MKX: variants seen among roughly 807,000 people sequenced by gnomAD.
MKX encodes mohawk homeobox, also known as homeobox protein Mohawk.
In MKX, 13 loss-of-function variants were observed where a neutral mutation model predicts 36.0. That is an observed-to-expected ratio of 0.36 (90% CI 0.24 to 0.57). The LOEUF is 0.57. MKX is among the 20% of genes least tolerant of loss of function. The pLI is 0.79. For synonymous variants in MKX, 176 were observed against 178.3 expected, an observed-to-expected ratio of 0.99 and a Z score of 0.10; for missense variants, 458 against 456.4, an observed-to-expected ratio of 1.00 and a Z score of -0.03.
At position 27,687,295 on chromosome 10, in the gene MKX, C is replaced by A. The variant is rs1280966695; in HGVS notation, c.839-11741G>T. Among the ~76,000 whole-genome samples, 5 of 152,320 alleles carry A rather than the reference C, an allele frequency of 3.3e-5. No homozygotes were observed. The East Asian group carries it at 7.7e-4, about 24-fold the overall frequency. ...CTGGGATTACAGGCGTGAGCCATTG[C>A]GCCCAGCCCACACTTCTCTATTTTG... On this transcript the variant is annotated intron_variant, in intron 5 of 6. Coordinates refer to ENST00000419761, the MANE Select transcript of MKX (RefSeq NM_173576.3).
At chr10:27,714,009 CAAAA>C (rs10632508) in intron 5 of MKX, among the ~76,000 whole-genome samples, 2,240 of 102,506 alleles carry the variant, frequency 0.022, 63 homozygotes, top group African/African-American at 0.065. Flanking sequence ...GTGCAAAGAC[CAAAA>C]AAAAAAAAAA....
Position 27,684,810 on chromosome 10 carries a change from G to A in MKX, c.839-9256C>T, listed in dbSNP as rs117479057. ...ATGATTTTTCCACAGACCGGGGAGC[G>A]GGGGGTTTGAGATGAAACGATTCCA... On this transcript the variant is annotated intron_variant, in intron 5 of 6. Coordinates refer to ENST00000419761, the MANE Select transcript of MKX (RefSeq NM_173576.3). Among the ~76,000 whole-genome samples the A allele has an allele frequency of 8.2e-4, 125 of 152,312 alleles. No individual in the cohort carries two copies. In the East Asian group the frequency reaches 0.012, roughly 14 times the overall value.
At chr10:27,678,263 G>C (rs1291674840) in intron 5 of MKX, among the ~76,000 whole-genome samples, 1 of 152,128 alleles carries the variant, frequency 6.6e-6, no homozygotes, top group African/African-American at 2.4e-5. Context: ...TTGGGAGAAG[G>C]AAAGCCAGCA....
chr10:27,707,114 A>T (rs1377987118), intron 5 of MKX, among the ~76,000 whole-genome samples: 2 of 147,728 alleles, frequency 1.4e-5, no homozygotes, highest in Non-Finnish European at 2.9e-5. Context: ...GCGTGTTATT[A>T]GGATGCTAAA....
intron 5 of MKX, among the ~76,000 whole-genome samples, chr10:27,727,582 G>C (rs1208972940): frequency 6.6e-6 from 1 of 152,204 alleles, no homozygotes; most frequent in African/African-American, 2.4e-5. Context: ...ATGGTATTCC[G>C]AATAGTGCTT....
At chr10:27,711,718 C>A (rs112354851) in intron 5 of MKX, among the ~76,000 whole-genome samples, 2 of 150,292 alleles carry the variant, frequency 1.3e-5, no homozygotes, top group East Asian at 3.9e-4. Flanking sequence ...AAACTACAGG[C>A]GCCCACCGCC....
chr10:27,698,676 G>A (rs1276307319), intron 5 of MKX, among the ~76,000 whole-genome samples: 1 of 152,174 alleles, frequency 6.6e-6, no homozygotes, highest in African/African-American at 2.4e-5. Flanking sequence ...AGTATGTGGT[G>A]TTTTCAGGAC....
At chr10:27,688,888 T>G (rs1234944617) in intron 5 of MKX, among the ~76,000 whole-genome samples, 10 of 152,164 alleles carry the variant, frequency 6.6e-5, no homozygotes, top group African/African-American at 2.4e-4. Flanking sequence ...AATATACAGC[T>G]GAATGGTGTT....
chr10:27,705,230 G>A (rs1161015133), intron 5 of MKX, among the ~76,000 whole-genome samples: 1 of 131,690 alleles, frequency 7.6e-6, no homozygotes, highest in East Asian at 2.2e-4. Context: ...TTGGAATTGG[G>A]ATTGAATGCT....
intron 5 of MKX, among the ~76,000 whole-genome samples, chr10:27,677,781 T>A (rs1398316832): frequency 6.6e-6 from 1 of 152,150 alleles, no homozygotes; most frequent in Non-Finnish European, 1.5e-5. Context: ...GAACAACAAG[T>A]GTTAGTTCCT....
At chr10:27,698,443 G>A (rs536828114) in intron 5 of MKX, among the ~76,000 whole-genome samples, 1 of 152,272 alleles carries the variant, frequency 6.6e-6, no homozygotes, top group African/African-American at 2.4e-5. Flanking sequence ...TAGCAGGGGG[G>A]ATGGAAAGGC....
chr10:27,734,461 C>A lies in MKX; in HGVS notation c.833G>T (p.Arg278Leu). The change falls in exon 5 of 7, where the codon CGC becomes CTC. Residue 278 changes from arginine (R) to leucine (L), a missense_variant. Arg to Leu is a moderately radical substitution (Grantham distance 102, BLOSUM62 -2). Transcript: ENST00000419761. ...TACAGAAAGCACGGACTTACCTGTGCGATAGACAAAGTTGCCTTCAGTTTC... is the reference window on the plus strand; with the variant it reads ...TACAGAAAGCACGGACTTACCTGTGAGATAGACAAAGTTGCCTTCAGTTTC... Reference protein sequence around the residue: ...SSETEGNFVYRTDTLENGSNK... With the variant: ...SSETEGNFVYLTDTLENGSNK... The A allele has an allele frequency of 6.2e-7, 1 of 1,613,424 alleles. No individual in the cohort carries two copies. The highest frequency in any genetic ancestry group is 8.5e-7 in the Non-Finnish European group (1 of 1,179,662).
chr10:27,713,573 G>A (rs1836910432), intron 5 of MKX, among the ~76,000 whole-genome samples: 1 of 152,112 alleles, frequency 6.6e-6, no homozygotes, highest in Non-Finnish European at 1.5e-5. Context: ...AAGTAGCTGT[G>A]CAAGAGATGA....
At chr10:27,701,846 T>C (rs187155584) in intron 5 of MKX, among the ~76,000 whole-genome samples, 4,250 of 134,504 alleles carry the variant, frequency 0.032, 81 homozygotes, top group Non-Finnish European at 0.046. Flanking sequence ...TATATATATA[T>C]ACACAAAGAA....
rs76877924 is a variant in MKX at position 27,701,308 on chromosome 10, C to A, written c.839-25754G>T. On this transcript the variant is annotated intron_variant, in intron 5 of 6. Coordinates refer to ENST00000419761, the MANE Select transcript of MKX (RefSeq NM_173576.3). ...AAGCGGTGCACATCACGGCACGCAG[C>A]GCATTCTCACGTGATTTTATCTCAT... Among the ~76,000 whole-genome samples the A allele has an allele frequency of 1.9e-4, 4 of 20,776 alleles. No homozygotes were observed. The South Asian group carries it at 5.5e-3, about 29-fold the overall frequency. The allele number at this position is 20,776 out of a possible 152,430, so 13.6% of individuals were successfully genotyped here. A position where few individuals can be genotyped will look rare whatever the true frequency, so the allele number is the denominator to read the frequency against.
At chr10:27,717,503 C>A (rs1323087099) in intron 5 of MKX, among the ~76,000 whole-genome samples, 3 of 152,196 alleles carry the variant, frequency 2.0e-5, no homozygotes, top group South Asian at 2.1e-4. Flanking sequence ...TGATCTCAGG[C>A]TGGACGTCTG....
intron 5 of MKX, among the ~76,000 whole-genome samples, chr10:27,722,483 G>A (rs1427219286): frequency 2.6e-5 from 4 of 152,176 alleles, no homozygotes; most frequent in Non-Finnish European, 5.9e-5. Context: ...ATACATCTTC[G>A]TTTTACAGCT....
At chr10:27,686,418 GA>G (rs1836353184) in intron 5 of MKX, among the ~76,000 whole-genome samples, 1 of 145,624 alleles carries the variant, frequency 6.9e-6, no homozygotes. Context: ...AGGAAGGAAG[GA>G]AGGAAGGAAG....
chr10:27,737,204 C>G (rs1327296500), intron 3 of MKX, among the ~76,000 whole-genome samples: 1 of 152,208 alleles, frequency 6.6e-6, no homozygotes, highest in Non-Finnish European at 1.5e-5. Context: ...CTTCAACTCA[C>G]TGCCAAAATC....
Sources: gnomAD v4.1 joint callset for allele counts (sites outside exome capture counted in the v4.1 genomes callset) on GRCh38, gnomAD v4.1.1 for gene constraint, MANE v1.5 for transcripts, NCBI Gene and HGNC (gene_info 2026-07-23, HGNC 2026-07-21) for gene names.